The following CCDC33 variants were observed in gnomAD, a reference collection of about 807,000 sequenced individuals.
CCDC33 encodes coiled-coil domain-containing protein 33.
Under a neutral mutation model 91.9 loss-of-function variants are expected in CCDC33, and 94 were observed. The ratio of observed to expected loss-of-function variants is 1.02; its 90% CI spans 0.87 to 1.21. CCDC33 has a LOEUF of 1.21. Ranked by LOEUF, CCDC33 falls within the 50% of genes most tolerant of loss-of-function variation. The pLI, the probability that CCDC33 is intolerant of heterozygous loss-of-function variation, is 0.00. For synonymous variants in CCDC33, 396 were observed against 374.5 expected (o/e 1.06, Z -0.66); for missense variants, 940 against 935.5 (o/e 1.00, Z -0.06).
chr15:74,203,209 C>G (rs539095446), intron 1 of CCDC33: 20 of 972,786 alleles, frequency 2.1e-5, no homozygotes, highest in Non-Finnish European at 2.3e-5. Flanking sequence ...ATTGGTAAAC[C>G]CTTTTTGTTC....
At chr15:74,287,529 C>T (rs1027741117) in intron 10 of CCDC33, among the ~76,000 whole-genome samples, 3 of 152,174 alleles carry the variant, frequency 2.0e-5, no homozygotes, top group African/African-American at 7.2e-5. Flanking sequence ...TAGAGCTGGG[C>T]GTGGTGGCTC....
chr15:74,268,485 G>GT, intron 5 of CCDC33, 27 bp downstream of exon 5: 1 of 1,462,902 alleles, frequency 6.8e-7, no homozygotes, highest in Middle Eastern at 1.8e-4. Context: ...CCTCTGGGGT[G>GT]GTGGTGGGGG....
intron 2 of CCDC33, among the ~76,000 whole-genome samples, chr15:74,245,288 C>A (rs963040512): frequency 3.9e-5 from 6 of 152,222 alleles, no homozygotes; most frequent in African/African-American, 9.6e-5. Context: ...TCCCTGCCCC[C>A]CCAGGGCCCC....
chr15:74,335,131 G>A lies in CCDC33; in HGVS notation c.2139+43G>A, dbSNP rs1333090228. 2.0e-6 allele frequency: 3 copies of A among 1,474,456 alleles called. No homozygotes were observed. The South Asian group carries it at 3.4e-5, about 17-fold the overall frequency. The allele number at this position is 1,474,456 out of a possible 1,614,324, so 91.3% of individuals were successfully genotyped here. ...AGTAGCTCCCAGGGGTTCAGGTGGT[G>A]GAGCAGGAAGCCACCGCACCCCCAA... On this transcript the variant is annotated intron_variant, in intron 18 of 18. Transcript: ENST00000398814.
chr15:74,225,117 C>CGTGTGTGTGTGTGTGT (rs3057568), intron 2 of CCDC33, among the ~76,000 whole-genome samples: 84 of 139,938 alleles, frequency 6.0e-4, no homozygotes, highest in African/African-American at 2.1e-3. Context: ...CTCCTGGAGG[C>CGTGTGTGTGTGTGTGT]GTGTGTGTGT....
chr15:74,280,852 C>G, intron 9 of CCDC33, 51 bp downstream of exon 9: 2 of 1,383,494 alleles, frequency 1.4e-6, no homozygotes, highest in Non-Finnish European at 9.4e-7. Context: ...CTGGCCCCAC[C>G]CTGCCTCACC....
chr15:74,251,878 A>G (rs2075721212), intron 2 of CCDC33, among the ~76,000 whole-genome samples: 1 of 152,204 alleles, frequency 6.6e-6, no homozygotes, highest in South Asian at 2.1e-4. Flanking sequence ...GAGGGGGGAT[A>G]AAGAAGGTTA....
chr15:74,221,304 A>G, intron 2 of CCDC33: 5 of 972,544 alleles, frequency 5.1e-6, no homozygotes, highest in Non-Finnish European at 6.0e-6. Context: ...CAGGATGAGC[A>G]GGAATGCAAT....
downstream of CCDC33, chr15:74,336,199 C>A (rs766673958): frequency 4.8e-6 from 7 of 1,446,496 alleles, no homozygotes; most frequent in South Asian, 9.8e-5. Flanking sequence ...TCCTCCTAGA[C>A]CTCACTCTGG....
intron 2 of CCDC33, among the ~76,000 whole-genome samples, chr15:74,211,227 C>T (rs532674290): frequency 6.6e-6 from 1 of 152,020 alleles, no homozygotes; most frequent in East Asian, 1.9e-4. Flanking sequence ...AGAGCTTGGA[C>T]TCCGTTTCAT....
chr15:74,308,179 G>A (rs2059926126), intron 11 of CCDC33, among the ~76,000 whole-genome samples: 1 of 152,066 alleles, frequency 6.6e-6, no homozygotes, highest in Admixed American at 6.5e-5. Flanking sequence ...CGGGGCCCAG[G>A]GCTGGAGCCC....
chr15:74,206,250 C>A (rs1199237562), intron 1 of CCDC33, among the ~76,000 whole-genome samples: 1 of 152,198 alleles, frequency 6.6e-6, no homozygotes, highest in African/African-American at 2.4e-5. Context: ...CAGTCTGGTG[C>A]GGGCAGGGTG....
intron 11 of CCDC33, chr15:74,302,709 AC>A (rs973973527): frequency 6.6e-6 from 1 of 152,204 alleles, no homozygotes; most frequent in Non-Finnish European, 1.5e-5. Context: ...GATGGGGGCC[AC>A]CCTACATGGC....
At chr15:74,232,945 C>T (rs992360585), upstream of CCDC33, among the ~76,000 whole-genome samples, 1 of 152,224 alleles carries the variant, frequency 6.6e-6, no homozygotes, top group South Asian at 2.1e-4. Context: ...GACCAGATAT[C>T]ATCCCAGGCC....
Position 74,236,527 on chromosome 15 carries a change from CCACATCCAGG to C in CCDC33, c.-191_-182del. The C allele has an allele frequency of 9.3e-6, 4 of 431,250 alleles. No individual in the cohort carries two copies. Among genetic ancestry groups the C allele is most frequent in the East Asian group, 3.9e-5 (1 of 25,430 alleles). The allele number at this position is 431,250 out of a possible 1,614,324, so 26.7% of individuals were successfully genotyped here. On this transcript the variant is annotated 5_prime_UTR_variant, in exon 1 of 19. Transcript: ENST00000398814. ...CCACCTGGCCACCCTCCCCCTCCCCCCACATCCAGGCCCCAGGGCTGGTGTGTGGCACCCC... is the reference window on the plus strand; with the variant it reads ...CCACCTGGCCACCCTCCCCCTCCCCCCCCCAGGGCTGGTGTGTGGCACCCC...
chr15:74,249,448 A>G (rs1005978296), intron 2 of CCDC33, among the ~76,000 whole-genome samples: 4 of 152,044 alleles, frequency 2.6e-5, no homozygotes, highest in African/African-American at 9.7e-5. Flanking sequence ...AGATCAAGCA[A>G]CTGCACTCCA....
At chr15:74,259,006 GGTTTAT>G (rs1475521738) in intron 2 of CCDC33, among the ~76,000 whole-genome samples, 2 of 152,156 alleles carry the variant, frequency 1.3e-5, no homozygotes, top group African/African-American at 4.8e-5. Context: ...GGTTGAGGGA[GGTTTAT>G]GTTTTCCTGC....
chr15:74,267,796 G>A (rs1387238481), intron 4 of CCDC33, among the ~76,000 whole-genome samples: 1 of 152,188 alleles, frequency 6.6e-6, no homozygotes, highest in Non-Finnish European at 1.5e-5. Flanking sequence ...GCAATGATAG[G>A]CAAGGTTCCT....
intron 11 of CCDC33, among the ~76,000 whole-genome samples, chr15:74,328,669 C>T (rs907157619): frequency 6.6e-6 from 1 of 152,232 alleles, no homozygotes; most frequent in South Asian, 2.1e-4. Flanking sequence ...GAAGGCTAGA[C>T]AGTGGCAGGT....
Sources: allele counts gnomAD v4.1 joint callset (sites outside exome capture counted in the v4.1 genomes callset), GRCh38; gene constraint gnomAD v4.1.1; transcripts MANE v1.5; gene names NCBI Gene and HGNC (gene_info 2026-07-23, HGNC 2026-07-21).